ANO2: variants seen among roughly 807,000 people sequenced by gnomAD.
The protein encoded by ANO2 is anoctamin-2.
ANO2 carries 101 observed loss-of-function variants against 124.2 expected under a neutral mutation model. The ratio of observed to expected loss-of-function variants is 0.81; its 90% CI spans 0.69 to 0.96. The LOEUF (loss-of-function observed/expected upper bound fraction) is 0.96, where lower values mean the gene tolerates loss of function less well. ANO2 is among the 40% of genes least tolerant of loss of function. The pLI is 0.00. For synonymous variants in ANO2, 486 were observed against 482.5 expected, an observed-to-expected ratio of 1.01 and a Z score of -0.09; for missense variants, 1,293 against 1,274.5, an observed-to-expected ratio of 1.01 and a Z score of -0.22.
At chr12:5,578,130 A>G (rs749433405) in intron 21 of ANO2, 123 bp from the exon 22 acceptor site, 4 of 1,323,410 alleles carry the variant, frequency 3.0e-6, no homozygotes, top group African/African-American at 1.5e-5. Flanking sequence ...CCCCCCCAGA[A>G]TGGGCTTGTC....
rs1163629365 is a variant in ANO2 at position 5,787,894 on chromosome 12, C to T, written c.1055+11613G>A. 6.6e-6 allele frequency among the ~76,000 whole-genome samples: 1 copy of T among 152,182 alleles called. No individual in the cohort carries two copies. Among genetic ancestry groups the T allele is most frequent in the Non-Finnish European group, 1.5e-5 (1 of 68,038 alleles). On this transcript the variant is annotated intron_variant, in intron 10 of 24. Coordinates refer to ENST00000682330, the MANE Select transcript of ANO2 (RefSeq NM_001364791.2). This position sits in a 1 kb window ranked among gnomAD's most constrained non-coding sequence, Gnocchi z 4.2. ...TCTGTGAGGCCAGACCCAGCTGGAC[C>T]ATAGGTCCAGACGTGCCCGAAACAG...
chr12:5,717,938 G>A (rs1279867981), intron 14 of ANO2, among the ~76,000 whole-genome samples: 7 of 152,208 alleles, frequency 4.6e-5, no homozygotes, highest in Non-Finnish European at 1.5e-5. Context: ...TGCCCCATCT[G>A]AAAGAAGAGC....
intron 14 of ANO2, among the ~76,000 whole-genome samples, chr12:5,730,561 C>A (rs575761768): frequency 9.7e-4 from 148 of 152,316 alleles, no homozygotes; most frequent in Middle Eastern, 3.4e-3. Flanking sequence ...GAATTTGATT[C>A]TTTAGTCCCT....
At chr12:5,910,063 AAAT>A (rs1250453514) in intron 3 of ANO2, among the ~76,000 whole-genome samples, 3 of 152,280 alleles carry the variant, frequency 2.0e-5, no homozygotes, top group African/African-American at 7.2e-5. Flanking sequence ...TTAACACATG[AAAT>A]AATGAGACCT....
At chr12:5,574,136 G>A (rs1230585792) in intron 23 of ANO2, among the ~76,000 whole-genome samples, 1 of 152,144 alleles carries the variant, frequency 6.6e-6, no homozygotes, top group African/African-American at 2.4e-5. Context: ...TTTTGTTATT[G>A]GTGTAATTAA....
At chr12:5,733,833 T>C (rs1950745509) in intron 13 of ANO2, among the ~76,000 whole-genome samples, 1 of 152,210 alleles carries the variant, frequency 6.6e-6, no homozygotes, top group South Asian at 2.1e-4. Context: ...CTCTCTGAAT[T>C]CCGAAACTTT....
At chr12:5,914,186 T>A (rs560584364) in intron 3 of ANO2, among the ~76,000 whole-genome samples, 2 of 141,984 alleles carry the variant, frequency 1.4e-5, no homozygotes, top group Non-Finnish European at 3.0e-5. Flanking sequence ...GGTGACAGAG[T>A]GAGACTCCAT....
intron 7 of ANO2, among the ~76,000 whole-genome samples, chr12:5,819,534 T>C (rs1298906100): frequency 7.9e-5 from 12 of 152,174 alleles, no homozygotes; most frequent in Admixed American, 7.9e-4. Context: ...GATTAAAACA[T>C]GGCCCACTGT....
chr12:5,713,957 G>C (rs191233609), intron 14 of ANO2, among the ~76,000 whole-genome samples: 1 of 152,298 alleles, frequency 6.6e-6, no homozygotes, highest in African/African-American at 2.4e-5. Context: ...ACTTCTGCCA[G>C]AGAAAGGAGA....
intron 14 of ANO2, among the ~76,000 whole-genome samples, chr12:5,717,059 C>T (rs924426708): frequency 6.6e-6 from 1 of 152,206 alleles, no homozygotes; most frequent in Non-Finnish European, 1.5e-5. Context: ...TGACTTTGGA[C>T]AATCTGTGGA....
chr12:5,825,399 C>T lies in ANO2; in HGVS notation c.892+2370G>A, dbSNP rs146572749. 5.9e-5 allele frequency among the ~76,000 whole-genome samples: 9 copies of T among 152,286 alleles called. No homozygotes were observed. In the South Asian group the frequency reaches 1.0e-3, roughly 18 times the overall value. On this transcript the variant is annotated intron_variant, in intron 7 of 24. Transcript: ENST00000682330. ...CTGTTTCTCCCATAGCCAGGATTCACGGGTCCAAGAATCAAGGCACTGAAG... is the reference window on the plus strand; with the variant it reads ...CTGTTTCTCCCATAGCCAGGATTCATGGGTCCAAGAATCAAGGCACTGAAG...
At chr12:5,576,555 T>C (rs1404810129) in intron 22 of ANO2, among the ~76,000 whole-genome samples, 1 of 152,164 alleles carries the variant, frequency 6.6e-6, no homozygotes, top group Non-Finnish European at 1.5e-5. Flanking sequence ...CTTGTATCCA[T>C]TTTACTTAAG....
intron 19 of ANO2, among the ~76,000 whole-genome samples, chr12:5,605,689 C>T (rs1281217145): frequency 6.6e-6 from 1 of 151,946 alleles, no homozygotes; most frequent in Non-Finnish European, 1.5e-5. Flanking sequence ...GCATGTGTTT[C>T]GGGGGCACTA....
At chr12:5,690,075 C>G (rs927014614) in intron 14 of ANO2, among the ~76,000 whole-genome samples, 1 of 152,042 alleles carries the variant, frequency 6.6e-6, no homozygotes, top group South Asian at 2.1e-4. Flanking sequence ...AGTCAATTCT[C>G]CAGTGATTCA....
chr12:5,915,176 T>C (rs866649928), intron 3 of ANO2, among the ~76,000 whole-genome samples: 4 of 152,212 alleles, frequency 2.6e-5, no homozygotes, highest in South Asian at 4.1e-4. Context: ...CTGTCACCCA[T>C]AAGCATCTCC....
intron 20 of ANO2, among the ~76,000 whole-genome samples, chr12:5,597,454 A>G (rs1408133703): frequency 6.6e-6 from 1 of 152,212 alleles, no homozygotes; most frequent in Non-Finnish European, 1.5e-5. Flanking sequence ...GCTGCATGGT[A>G]GTCCACAGTG....
At chr12:5,657,756 C>T (rs1228778481) in intron 14 of ANO2, among the ~76,000 whole-genome samples, 1 of 144,410 alleles carries the variant, frequency 6.9e-6, no homozygotes, top group Non-Finnish European at 1.5e-5. Context: ...GGGGATTCCC[C>T]AGTGCAATTT....
At chr12:5,829,188 A>T (rs1467220774) in intron 6 of ANO2, among the ~76,000 whole-genome samples, 1 of 152,236 alleles carries the variant, frequency 6.6e-6, no homozygotes, top group East Asian at 1.9e-4. Context: ...AATTAGGAAC[A>T]GCACTTATAT....
intron 10 of ANO2, among the ~76,000 whole-genome samples, chr12:5,768,802 C>T (rs1388244114): frequency 6.6e-6 from 1 of 152,174 alleles, no homozygotes; most frequent in Non-Finnish European, 1.5e-5. Flanking sequence ...GAGCTGGGTA[C>T]GGGCCAGCAG....
Sources: gnomAD v4.1 joint callset for allele counts (sites outside exome capture counted in the v4.1 genomes callset) on GRCh38, gnomAD v4.1.1 for gene constraint, Gnocchi (gnomAD v3.1) non-coding constraint, MANE v1.5 for transcripts, NCBI Gene and HGNC (gene_info 2026-07-23, HGNC 2026-07-21) for gene names.